SORCS1: variants seen among roughly 807,000 people sequenced by gnomAD.
The protein encoded by SORCS1 is VPS10 domain-containing receptor SorCS1.
SORCS1 carries 60 observed loss-of-function variants against 146.1 expected under a neutral mutation model. The observed-to-expected ratio is 0.41, with a 90% CI of 0.33 to 0.51. The LOEUF is 0.51. Ranked by LOEUF, SORCS1 falls within the 20% of genes least tolerant of loss-of-function variation. The probability of loss-of-function intolerance (pLI) is 0.21; values close to 1 mark genes in which losing one functional copy is unlikely to be tolerated. For synonymous variants in SORCS1, 637 were observed against 584.0 expected (o/e 1.09, Z -1.31); for missense variants, 1,352 against 1,487.6 (o/e 0.91, Z 1.50).
At chr10:106,817,585 C>T (rs1451467522) in intron 3 of SORCS1, among the ~76,000 whole-genome samples, 3 of 152,298 alleles carry the variant, frequency 2.0e-5, no homozygotes, top group East Asian at 3.9e-4. Flanking sequence ...CAAGAATTTA[C>T]ATAAACGATC....
intron 5 of SORCS1, among the ~76,000 whole-genome samples, chr10:106,747,969 T>C (rs1167411815): frequency 6.6e-6 from 1 of 152,220 alleles, no homozygotes; most frequent in East Asian, 1.9e-4. Flanking sequence ...TCCCATCATC[T>C]GTCCTACATT....
intron 24 of SORCS1, among the ~76,000 whole-genome samples, chr10:106,582,006 A>T (rs2133209434): frequency 6.6e-6 from 1 of 152,316 alleles, no homozygotes; most frequent in African/African-American, 2.4e-5. Context: ...GATATGAAGC[A>T]ACTAAGAATA....
intron 6 of SORCS1, among the ~76,000 whole-genome samples, chr10:106,723,061 G>A (rs1473529935): frequency 1.3e-5 from 2 of 152,056 alleles, no homozygotes; most frequent in Non-Finnish European, 1.5e-5. Flanking sequence ...GGGTGTGGTG[G>A]CTCATGCCTA....
chr10:106,802,362 C>T lies in SORCS1; in HGVS notation c.727-25670G>A, dbSNP rs370870621. ...TTACACTTTTTTTGAGACGGAGTCT[C>T]ACTCTGTCACCCAGGCTGGAGTGCA... On this transcript the variant is annotated intron_variant, in intron 3 of 25. Coordinates refer to ENST00000263054, the MANE Select transcript of SORCS1 (RefSeq NM_052918.5). Among the ~76,000 whole-genome samples, 89 of 152,264 alleles carry T rather than the reference C, an allele frequency of 5.8e-4. No individual in the cohort carries two copies. In the Middle Eastern group the frequency reaches 0.02, roughly 35 times the overall value.
intron 18 of SORCS1, among the ~76,000 whole-genome samples, chr10:106,644,490 C>T (rs1564811137): frequency 6.6e-6 from 1 of 152,044 alleles, no homozygotes; most frequent in Non-Finnish European, 1.5e-5. Context: ...CCTCAACCTC[C>T]CAAGTAGCTG....
chr10:107,153,707 C>T (rs915259764), intron 1 of SORCS1, among the ~76,000 whole-genome samples: 2 of 152,164 alleles, frequency 1.3e-5, no homozygotes, highest in African/African-American at 4.8e-5. Flanking sequence ...ACAGTTGTTG[C>T]CTGGAATTCA....
chr10:106,684,722 C>T (rs543640655), intron 10 of SORCS1, among the ~76,000 whole-genome samples: 2 of 152,310 alleles, frequency 1.3e-5, no homozygotes, highest in South Asian at 2.1e-4. Flanking sequence ...CTGAAAAAAT[C>T]TCTTTTCTAA....
In SORCS1 at chr10:106,742,634, C is replaced by A. The variant is rs138337810; in HGVS notation, c.960-12520G>T. The stretch of plus-strand genomic sequence containing the variant: ...ACCTCAAGTGATCCACCTGCCTCGG[C>A]CTCCCAAAGTGCTGGGATTACAGGT... On this transcript the variant is annotated intron_variant, in intron 5 of 25. Coordinates refer to ENST00000263054, the MANE Select transcript of SORCS1 (RefSeq NM_052918.5). 1.9e-3 allele frequency among the ~76,000 whole-genome samples: 284 copies of A among 152,294 alleles called. 2 individuals carry two copies. Among genetic ancestry groups the A allele is most frequent in the African/African-American group, 6.5e-3 (269 of 41,560 alleles).
chr10:107,106,879 T>G (rs182804603), intron 1 of SORCS1, among the ~76,000 whole-genome samples: 37 of 152,270 alleles, frequency 2.4e-4, no homozygotes, highest in African/African-American at 8.7e-4. Context: ...TTCTGCCATG[T>G]GAGGATACAA....
intron 2 of SORCS1, among the ~76,000 whole-genome samples, chr10:106,887,408 T>C (rs1838448101): frequency 1.3e-5 from 2 of 151,926 alleles, no homozygotes; most frequent in Non-Finnish European, 2.9e-5. Flanking sequence ...GATTAGAGAG[T>C]TATCAGAAAA....
At chr10:106,703,200 A>G (rs1371290897) in intron 8 of SORCS1, among the ~76,000 whole-genome samples, 1 of 151,848 alleles carries the variant, frequency 6.6e-6, no homozygotes, top group African/African-American at 2.4e-5. Context: ...AATAAAGAAA[A>G]GAGACATTGA....
At chr10:106,704,545 C>T (rs1456952610) in intron 8 of SORCS1, among the ~76,000 whole-genome samples, 2 of 152,052 alleles carry the variant, frequency 1.3e-5, no homozygotes, top group Non-Finnish European at 1.5e-5. Flanking sequence ...CAAAAATTAG[C>T]CAGGCTTGGT....
At chr10:107,084,265 T>G (rs1356821581) in intron 1 of SORCS1, among the ~76,000 whole-genome samples, 1 of 149,228 alleles carries the variant, frequency 6.7e-6, no homozygotes, top group Non-Finnish European at 1.5e-5. Flanking sequence ...CCGGCTAATT[T>G]TTTTTTTTTT....
At chr10:107,062,772 C>T (rs1311220004) in intron 1 of SORCS1, among the ~76,000 whole-genome samples, 2 of 152,156 alleles carry the variant, frequency 1.3e-5, no homozygotes, top group Non-Finnish European at 1.5e-5. Flanking sequence ...CTCTCCAATT[C>T]CCATAACTCA....
chr10:107,073,334 T>C (rs1962601054), intron 1 of SORCS1, among the ~76,000 whole-genome samples: 1 of 152,196 alleles, frequency 6.6e-6, no homozygotes, highest in African/African-American at 2.4e-5. Flanking sequence ...TAGGCATTCA[T>C]TTAATGCATT....
chr10:106,907,416 T>A (rs1951956550), intron 2 of SORCS1, among the ~76,000 whole-genome samples: 1 of 152,086 alleles, frequency 6.6e-6, no homozygotes, highest in African/African-American at 2.4e-5. Context: ...TTAAACTAAC[T>A]ACTTGTGTCC....
intron 4 of SORCS1, among the ~76,000 whole-genome samples, chr10:106,765,868 G>A (rs1197834243): frequency 1.3e-5 from 2 of 151,960 alleles, no homozygotes; most frequent in Non-Finnish European, 2.9e-5. Context: ...TCGGATCAAC[G>A]TATCCTCTCT....
At chr10:106,700,599 A>G (rs1854067384) in intron 8 of SORCS1, among the ~76,000 whole-genome samples, 1 of 152,192 alleles carries the variant, frequency 6.6e-6, no homozygotes, top group Admixed American at 6.5e-5. Flanking sequence ...TCTTCCTGTT[A>G]ACAATTCCAG....
At chr10:107,168,982 A>AAT (rs1160731018), upstream of SORCS1, among the ~76,000 whole-genome samples, 2 of 152,156 alleles carry the variant, frequency 1.3e-5, no homozygotes, top group African/African-American at 4.8e-5. Context: ...GGCTGAGGGG[A>AAT]ATATATATAC....
Sources: allele counts gnomAD v4.1 joint callset (sites outside exome capture counted in the v4.1 genomes callset), GRCh38; gene constraint gnomAD v4.1.1; transcripts MANE v1.5; gene names NCBI Gene and HGNC (gene_info 2026-07-23, HGNC 2026-07-21).